TTC7A: variants seen among roughly 807,000 people sequenced by gnomAD.
TTC7A encodes the protein tetratricopeptide repeat protein 7A.
TTC7A carries 110 observed loss-of-function variants against 103.7 expected under a neutral mutation model. The ratio of observed to expected loss-of-function variants is 1.06; its 90% CI spans 0.91 to 1.24. The LOEUF is 1.24. Ranked by LOEUF, TTC7A falls within the 50% of genes most tolerant of loss-of-function variation. The probability of loss-of-function intolerance (pLI) is 0.00; values close to 1 mark genes in which losing one functional copy is unlikely to be tolerated. For synonymous variants in TTC7A, 521 were observed against 467.9 expected (o/e 1.11, Z -1.47); for missense variants, 1,340 against 1,116.3 (o/e 1.20, Z -2.86).
chr2:46,931,190 A>G (rs1347920523), intron 2 of TTC7A, among the ~76,000 whole-genome samples: 1 of 152,238 alleles, frequency 6.6e-6, no homozygotes, highest in Non-Finnish European at 1.5e-5. Flanking sequence ...ATCATGGCTC[A>G]CTGCAGCTTT....
chr2:47,054,154 A>G lies in TTC7A; in HGVS notation c.2152+2274A>G, dbSNP rs953473851. 3 of 985,328 alleles carry G rather than the reference A, an allele frequency of 3.0e-6. No individual in the cohort carries two copies. The African/African-American group carries it at 5.2e-5, about 17-fold the overall frequency. 61.0% of individuals were successfully genotyped at this position (985,328 alleles called of 1,614,324 possible). ...AATGCTTTGAATGTGGCGCTGCATC[A>G]GGGTCAGGCAGTGTAGTATTAGGAG... is the stretch of plus-strand genomic sequence containing the variant. On this transcript the variant is annotated intron_variant, in intron 18 of 19. Coordinates refer to ENST00000319190, the MANE Select transcript of TTC7A (RefSeq NM_020458.4).
At chr2:46,920,445 T>C (rs950498359) in intron 2 of TTC7A, among the ~76,000 whole-genome samples, 3 of 152,132 alleles carry the variant, frequency 2.0e-5, no homozygotes, top group Non-Finnish European at 4.4e-5. Flanking sequence ...TTCTCCTGCC[T>C]CAGCCTCCCA....
At chr2:47,025,567 T>C (rs964146109) in intron 14 of TTC7A, among the ~76,000 whole-genome samples, 3 of 152,304 alleles carry the variant, frequency 2.0e-5, no homozygotes, top group South Asian at 2.1e-4. Context: ...TCTCACCCCA[T>C]GCCTAGACCC....
chr2:46,990,252 T>C (rs1337982988), intron 5 of TTC7A, among the ~76,000 whole-genome samples: 1 of 152,250 alleles, frequency 6.6e-6, no homozygotes, highest in African/African-American at 2.4e-5. Flanking sequence ...CTTCTGGTGG[T>C]GGCTGGTGCT....
chr2:47,060,397 A>G (rs931380889), intron 18 of TTC7A, among the ~76,000 whole-genome samples: 6 of 152,028 alleles, frequency 3.9e-5, no homozygotes, highest in Non-Finnish European at 8.8e-5. Context: ...TTTTTTTAAA[A>G]AAAAGGCTGC....
At chr2:47,047,457 G>C in intron 16 of TTC7A, 1 of 639,682 alleles carries the variant, frequency 1.6e-6, no homozygotes, top group Non-Finnish European at 2.7e-6. Flanking sequence ...GGGGTTGAGG[G>C]ACTTTTCAGA....
chr2:46,940,562 G>GAAAT (rs1239695112), upstream of TTC7A, among the ~76,000 whole-genome samples: 4 of 152,374 alleles, frequency 2.6e-5, no homozygotes, highest in South Asian at 8.3e-4. The surrounding 1 kb of genome is among the most constrained non-coding windows in gnomAD (Gnocchi z 4.7). Flanking sequence ...CCAGCATGAA[G>GAAAT]AAATAAATAA....
intron 11 of TTC7A, among the ~76,000 whole-genome samples, chr2:47,017,701 A>G (rs1341438789): frequency 6.6e-6 from 1 of 152,140 alleles, no homozygotes; most frequent in Non-Finnish European, 1.5e-5. Flanking sequence ...GGAGGTGCCA[A>G]CTTATGCTCA....
chr2:47,002,750 AC>A (rs1031554479), intron 8 of TTC7A, among the ~76,000 whole-genome samples: 1 of 150,962 alleles, frequency 6.6e-6, no homozygotes, highest in African/African-American at 2.4e-5. Context: ...ATTTCCCCCT[AC>A]CCCTCCCTGT....
intron 19 of TTC7A, among the ~76,000 whole-genome samples, chr2:47,073,437 T>A (rs1684943685): frequency 6.6e-6 from 1 of 152,150 alleles, no homozygotes; most frequent in Non-Finnish European, 1.5e-5. Flanking sequence ...GTCTGTTGAC[T>A]TGAAAGCCAG....
chr2:47,043,020 G>T (rs1340219892), intron 15 of TTC7A, among the ~76,000 whole-genome samples: 1 of 152,194 alleles, frequency 6.6e-6, no homozygotes, highest in East Asian at 1.9e-4. Context: ...CCCCCTGGCT[G>T]TGAGGGCCCC....
At position 47,046,267 on chromosome 2, in the gene TTC7A, A is replaced by T. The variant is rs1448735663; in HGVS notation, c.1803-48A>T. The T allele has an allele frequency of 3.4e-6, 5 of 1,472,632 alleles. No individual in the cohort carries two copies. In the Admixed American group the frequency reaches 5.0e-5, roughly 15 times the overall value. The allele number at this position is 1,472,632 out of a possible 1,614,324, so 91.2% of individuals were successfully genotyped here. ...TGGTGGGGCAGGATCCCCAGGTGAAAGTGGGCCCTTGCTGGGGTGTGCTGA... is the reference window on the plus strand; with the variant it reads ...TGGTGGGGCAGGATCCCCAGGTGAATGTGGGCCCTTGCTGGGGTGTGCTGA... On this transcript the variant is annotated intron_variant, in intron 15 of 19. Transcript: ENST00000319190.
chr2:46,921,949 C>CGTGG (rs1300257386), intron 2 of TTC7A, among the ~76,000 whole-genome samples: 1 of 152,154 alleles, frequency 6.6e-6, no homozygotes, highest in Non-Finnish European at 1.5e-5. Flanking sequence ...GTGCAGCTGA[C>CGTGG]CCACACTAGT....
At chr2:47,051,652 C>T in intron 17 of TTC7A, 94 bp from the exon 18 acceptor site, 2 of 1,463,540 alleles carry the variant, frequency 1.4e-6, no homozygotes, top group South Asian at 1.4e-5. Flanking sequence ...TCAGGGTGCC[C>T]TGTCTCCCCA....
At chr2:46,954,345 G>A (rs1306075048) in intron 2 of TTC7A, among the ~76,000 whole-genome samples, 5 of 152,040 alleles carry the variant, frequency 3.3e-5, no homozygotes, top group African/African-American at 4.8e-5. Flanking sequence ...ACTGGGCAAG[G>A]GGTTCCGTTC....
chr2:47,045,465 G>C lies in TTC7A; in HGVS notation c.1803-850G>C, dbSNP rs1466396156. ...GAGGTCCTGCCTCCAGGTGGGACCA[G>C]CTCTTCTTCTCAACCATTCTAAGGG... On this transcript the variant is annotated intron_variant, in intron 15 of 19. Coordinates refer to ENST00000319190, the MANE Select transcript of TTC7A (RefSeq NM_020458.4). 4 of 152,272 alleles carry C rather than the reference G, an allele frequency of 2.6e-5. No individual in the cohort carries two copies. In the East Asian group the frequency reaches 7.7e-4, roughly 29 times the overall value. 9.4% of individuals were successfully genotyped at this position (152,272 alleles called of 1,614,324 possible). A position where few individuals can be genotyped will look rare whatever the true frequency, so the allele number is the denominator to read the frequency against.
intron 10 of TTC7A, among the ~76,000 whole-genome samples, chr2:47,008,431 A>T (rs1205576968): frequency 2.6e-5 from 4 of 152,214 alleles, no homozygotes. Context: ...GGACTCAGAG[A>T]GATCCAGACA....
intron 10 of TTC7A, 92 bp from the exon 11 acceptor site, chr2:47,011,239 C>G (rs562812496): frequency 8.2e-7 from 1 of 1,212,220 alleles, no homozygotes; most frequent in East Asian, 2.5e-5. Context: ...GGATACAGAG[C>G]AAGGCTTGGT....
intron 19 of TTC7A, among the ~76,000 whole-genome samples, chr2:47,066,945 C>T (rs777312895): frequency 1.3e-5 from 2 of 152,132 alleles, no homozygotes; most frequent in Non-Finnish European, 2.9e-5. Flanking sequence ...AGTCAAAGAT[C>T]GAGGGGCACA....
Sources: gnomAD v4.1 joint callset for allele counts (sites outside exome capture counted in the v4.1 genomes callset) on GRCh38, gnomAD v4.1.1 for gene constraint, Gnocchi (gnomAD v3.1) non-coding constraint, MANE v1.5 for transcripts, NCBI Gene and HGNC (gene_info 2026-07-23, HGNC 2026-07-21) for gene names.